Variants in MFAP3L observed in about 807,000 individuals in gnomAD.
MFAP3L encodes microfibril associated protein 3 like.
In MFAP3L, 5 loss-of-function variants were observed where a neutral mutation model predicts 20.0. The observed-to-expected ratio is 0.25, with a 90% CI of 0.13 to 0.53. The LOEUF (loss-of-function observed/expected upper bound fraction) is 0.53. Ranked by LOEUF, MFAP3L falls within the 20% of genes least tolerant of loss-of-function variation. The pLI, the probability that MFAP3L is intolerant of heterozygous loss-of-function variation, is 0.96. For missense variants in MFAP3L, 409 were observed against 527.5 expected, an observed-to-expected ratio of 0.78 and a Z score of 2.20; for synonymous variants, 219 against 213.0, an observed-to-expected ratio of 1.03 and a Z score of -0.25.
Position 169,987,994 on chromosome 4 carries a change from T to C in MFAP3L, c.*3384A>G, listed in dbSNP as rs1392701142. ...GAACCCCATTGTGTGAGATGTCAGG[T>C]CTTTCAACCTTAGTTGTGAAAAACA... On this transcript the variant is annotated 3_prime_UTR_variant, in exon 3 of 3. Coordinates refer to ENST00000361618, the MANE Select transcript of MFAP3L (RefSeq NM_021647.8). 1 of 152,138 alleles carries C rather than the reference T, an allele frequency of 6.6e-6. No homozygotes were observed. Among genetic ancestry groups the C allele is most frequent in the African/African-American group, 2.4e-5 (1 of 41,430 alleles). The allele number at this position is 152,138 out of a possible 1,614,324, so 9.4% of individuals were successfully genotyped here.
intron 2 of MFAP3L, among the ~76,000 whole-genome samples, chr4:169,996,906 C>T (rs1738215889): frequency 6.6e-6 from 1 of 152,190 alleles, no homozygotes; most frequent in Admixed American, 6.5e-5. Context: ...TTCCTCCCCA[C>T]CCCAAGTCCC....
chr4:169,987,636 CA>C lies in MFAP3L; in HGVS notation c.*3741del, dbSNP rs2110878826. The C allele has an allele frequency of 6.6e-6, 1 of 152,266 alleles. No individual in the cohort carries two copies. The highest frequency in any genetic ancestry group is 2.1e-4 in the South Asian group (1 of 4,830). The allele number at this position is 152,266 out of a possible 1,614,324, so 9.4% of individuals were successfully genotyped here. ...CCAGCAGCTGGAATTGGTGTTTCTA[CA>C]GTCAAGTTAATTTGTGTTGGCTGCA... On this transcript the variant is annotated 3_prime_UTR_variant, in exon 3 of 3. Coordinates refer to ENST00000361618, the MANE Select transcript of MFAP3L (RefSeq NM_021647.8).
At position 169,994,423 on chromosome 4, in the gene MFAP3L, C is replaced by T. The variant is rs1007451579; in HGVS notation, c.299-2114G>A. ...TGATGGTAATACCAACAGCTTTTTC[C>T]CCAAACCTAAGTTACAACTTTAGTG... On this transcript the variant is annotated intron_variant, in intron 2 of 2. Transcript: ENST00000361618. The T allele has an allele frequency of 5.1e-6, 5 of 984,740 alleles. No individual in the cohort carries two copies. The African/African-American group carries it at 7.0e-5, about 14-fold the overall frequency. 61.0% of individuals were successfully genotyped at this position (984,740 alleles called of 1,614,324 possible). A position where few individuals can be genotyped will look rare whatever the true frequency, so the allele number is the denominator to read the frequency against.
intron 2 of MFAP3L, among the ~76,000 whole-genome samples, chr4:169,993,374 C>T (rs768991373): frequency 2.0e-5 from 3 of 152,134 alleles, no homozygotes; most frequent in Non-Finnish European, 2.9e-5. Context: ...TTCCCCGAGC[C>T]GACTAGAGAA....
chr4:170,013,606 A>ATATATAAATATATATTTATATATTT, intron 1 of MFAP3L, among the ~76,000 whole-genome samples: 1 of 152,202 alleles, frequency 6.6e-6, no homozygotes, highest in African/African-American at 2.4e-5. Context: ...AAAAAATAAA[A>ATATATAAATATATATTTATATATTT]AGACCATGAC....
At chr4:170,018,945 C>T (rs1739864912) in intron 1 of MFAP3L, among the ~76,000 whole-genome samples, 1 of 152,196 alleles carries the variant, frequency 6.6e-6, no homozygotes, top group African/African-American at 2.4e-5. Context: ...AACTTCATAA[C>T]AGCAGCTGAG....
chr4:170,018,347 G>A (rs1739826088), intron 1 of MFAP3L, among the ~76,000 whole-genome samples: 1 of 152,214 alleles, frequency 6.6e-6, no homozygotes, highest in African/African-American at 2.4e-5. Flanking sequence ...TGCTGTGCAA[G>A]GCTGTCTGGA....
chr4:169,997,961 T>C (rs1738315215), intron 2 of MFAP3L, among the ~76,000 whole-genome samples: 1 of 152,178 alleles, frequency 6.6e-6, no homozygotes, highest in African/African-American at 2.4e-5. Context: ...TTGAAATTCT[T>C]CAAATCAGGC....
At chr4:170,020,374 TC>T (rs1263846968) in intron 1 of MFAP3L, among the ~76,000 whole-genome samples, 1 of 152,190 alleles carries the variant, frequency 6.6e-6, no homozygotes, top group Non-Finnish European at 1.5e-5. Flanking sequence ...ATCCTGGGTT[TC>T]CCCTGGGTTA....
Position 169,991,498 on chromosome 4 carries a change from A to G in MFAP3L, c.1110T>C (p.Ser370=), listed in dbSNP as rs753556169. 24 of 1,614,020 alleles carry G rather than the reference A, an allele frequency of 1.5e-5. No homozygotes were observed. The highest frequency in any genetic ancestry group is 1.5e-5 in the Non-Finnish European group (18 of 1,179,984). The change falls in exon 3 of 3, where the codon TCT becomes TCC. Residue 370 remains serine, a synonymous_variant. Transcript: ENST00000361618. The surrounding 1 kb of genome is among the most constrained non-coding windows in gnomAD (Gnocchi z 4.9). ...STDVTSTELT[S]EEPTPVEVPD... ...GTACCTCAACAGGTGTTGGCTCTTC[A>G]GATGTTAGCTCGGTGGACGTGACAT...
chr4:170,021,662 T>C (rs1560992884), intron 1 of MFAP3L, among the ~76,000 whole-genome samples: 1 of 152,178 alleles, frequency 6.6e-6, no homozygotes, highest in Non-Finnish European at 1.5e-5. Context: ...GATAGAAGAA[T>C]CCTTCAGTTT....
rs1324161672 is a variant in MFAP3L, at chr4:169,989,445, A to C, written c.*1933T>G. ...ATGTTTGTTGTAAAGTTTGGATGGC[A>C]AAAGTATCCAATTTCATGGACCCAT... On this transcript the variant is annotated 3_prime_UTR_variant, in exon 3 of 3. Transcript: ENST00000361618. 2 of 152,214 alleles carry C rather than the reference A, an allele frequency of 1.3e-5. No individual in the cohort carries two copies. The highest frequency in any genetic ancestry group is 2.9e-5 in the Non-Finnish European group (2 of 68,036). 9.4% of individuals were successfully genotyped at this position (152,214 alleles called of 1,614,324 possible). A position where few individuals can be genotyped will look rare whatever the true frequency, so the allele number is the denominator to read the frequency against.
In MFAP3L at chr4:169,992,551, C is replaced by T. The variant is rs1360510066; in HGVS notation, c.299-242G>A. On this transcript the variant is annotated intron_variant, in intron 2 of 2. Coordinates refer to ENST00000361618, the MANE Select transcript of MFAP3L (RefSeq NM_021647.8). This position sits in a 1 kb window ranked among gnomAD's most constrained non-coding sequence, Gnocchi z 4.3. ...GTTTTACAGGATGAGGAAACTGAGG[C>T]ACAGTCAGGTTAGACAACACTCCCA... Among the ~76,000 whole-genome samples the T allele has an allele frequency of 6.6e-6, 1 of 152,192 alleles. No individual in the cohort carries two copies. The highest frequency in any genetic ancestry group is 1.5e-5 in the Non-Finnish European group (1 of 68,036).
intron 2 of MFAP3L, 160 bp downstream of exon 2, chr4:170,005,420 C>A: frequency 1.2e-6 from 1 of 830,804 alleles, no homozygotes; most frequent in Non-Finnish European, 1.9e-6. Context: ...TTAATTGCTT[C>A]TTTGAATCCT....
Position 169,987,694 on chromosome 4 carries a change from A to C in MFAP3L, c.*3684T>G, listed in dbSNP as rs1737369489. On this transcript the variant is annotated 3_prime_UTR_variant, in exon 3 of 3. Coordinates refer to ENST00000361618, the MANE Select transcript of MFAP3L (RefSeq NM_021647.8). ...TTAGAGCATGCTGTTCCAAACATGC[A>C]AATGTCCTTTGTACCTGATTTTCTT... is the stretch of plus-strand genomic sequence containing the variant. The C allele has an allele frequency of 6.6e-6, 1 of 152,212 alleles. No homozygotes were observed. 9.4% of individuals were successfully genotyped at this position (152,212 alleles called of 1,614,324 possible).
Position 169,991,671 on chromosome 4 carries a change from G to A in MFAP3L, c.937C>T (p.Gln313Ter). 1 of 1,614,200 alleles carries A rather than the reference G, an allele frequency of 6.2e-7. No individual in the cohort carries two copies. The highest frequency in any genetic ancestry group is 8.5e-7 in the Non-Finnish European group (1 of 1,180,038). Reference protein sequence around the residue: ...SDASSLHEQPQQIAIKVSVHP... With the variant: ...SDASSLHEQP ...ACTGACACCTTGATGGCAATTTGCT[G>A]AGGTTGCTCGTGCAGCGATGAGGCG... The change falls in exon 3 of 3, where the codon CAG (glutamine) becomes TAG (stop). Residue 313 changes from glutamine to a stop codon, truncating the protein, a stop_gained. Transcript: ENST00000361618. LOFTEE classifies it high-confidence loss of function. This position sits in a 1 kb window ranked among gnomAD's most constrained non-coding sequence, Gnocchi z 4.9.
At chr4:170,019,716 T>G (rs1435353640) in intron 1 of MFAP3L, among the ~76,000 whole-genome samples, 1 of 152,212 alleles carries the variant, frequency 6.6e-6, no homozygotes, top group East Asian at 1.9e-4. Context: ...ACCCATTTAT[T>G]TCCTCAAGGA....
chr4:169,992,266 C>T lies in MFAP3L; in HGVS notation c.342G>A (p.Lys114=), dbSNP rs1737774014. The T allele has an allele frequency of 4.3e-6, 7 of 1,613,368 alleles. No homozygotes were observed. The highest frequency in any genetic ancestry group is 5.9e-6 in the Non-Finnish European group (7 of 1,179,548). Residue 114 remains lysine (K), a synonymous_variant, in exon 3 of 3, where the codon AAG becomes AAA. Transcript: ENST00000361618. This position sits in a 1 kb window ranked among gnomAD's most constrained non-coding sequence, Gnocchi z 4.3. ...MHDSGLLNIT[K]VSFSDRGKYT... The stretch of plus-strand genomic sequence containing the variant: ...ATTTACCTCGGTCTGAGAAGGATAC[C>T]TTGGTGATGTTCAGGAGGCCGCTGT...
At chr4:170,003,444 C>T (rs914394088) in intron 2 of MFAP3L, among the ~76,000 whole-genome samples, 3 of 152,288 alleles carry the variant, frequency 2.0e-5, no homozygotes, top group Admixed American at 6.5e-5. Context: ...GAAGGAGGGA[C>T]GGTGCAGAGT....
Sources: gnomAD v4.1 joint callset for allele counts (sites outside exome capture counted in the v4.1 genomes callset) on GRCh38, gnomAD v4.1.1 for gene constraint, Gnocchi (gnomAD v3.1) non-coding constraint, MANE v1.5 for transcripts, NCBI Gene and HGNC (gene_info 2026-07-23, HGNC 2026-07-21) for gene names.